Variants in NCOA7 observed in about 807,000 individuals in gnomAD.
NCOA7 encodes nuclear receptor coactivator 7, also known as 140 kDa estrogen receptor-associated protein.
NCOA7 carries 45 observed loss-of-function variants against 104.3 expected under a neutral mutation model. The ratio of observed to expected loss-of-function variants is 0.43; its 90% CI spans 0.34 to 0.55. The LOEUF (loss-of-function observed/expected upper bound fraction) is 0.55. Among genes scored for constraint, NCOA7 ranks in the 20% least tolerant of loss-of-function variants. The probability of loss-of-function intolerance (pLI) is 0.02; values close to 1 mark genes in which losing one functional copy is unlikely to be tolerated. For synonymous variants in NCOA7, 398 were observed against 402.3 expected, an observed-to-expected ratio of 0.99 and a Z score of 0.13; for missense variants, 1,041 against 1,119.7, an observed-to-expected ratio of 0.93 and a Z score of 1.00.
At chr6:125,919,409 C>G in intron 11 of NCOA7, 2 of 1,612,716 alleles carry the variant, frequency 1.2e-6, no homozygotes, top group Non-Finnish European at 1.7e-6. Flanking sequence ...TGTGCCAGAC[C>G]TGACGAAGAG....
rs57168444 is a variant in NCOA7, at chr6:125,840,868, G to GTTTTTTTTT, written c.51-14118_51-14110dup. ...TTTTATGGTTTTTTTTGTTTGGTTGGTTTTTTTTTTTTTTTTTTTTTTTTT... is the reference window on the plus strand; with the variant it reads ...TTTTATGGTTTTTTTTGTTTGGTTGGTTTTTTTTTTTTTTTTTTTTTTTTTTTTTTTTTT... On this transcript the variant is annotated intron_variant, in intron 2 of 15. Coordinates refer to ENST00000392477, the MANE Select transcript of NCOA7 (RefSeq NM_181782.5). 1.3e-3 allele frequency among the ~76,000 whole-genome samples: 53 copies of GTTTTTTTTT among 40,372 alleles called. 5 individuals carry two copies. Among genetic ancestry groups the GTTTTTTTTT allele is most frequent in the East Asian group, 2.2e-3 (3 of 1,358 alleles). The allele number at this position is 40,372 out of a possible 152,430, so 26.5% of individuals were successfully genotyped here. A position where few individuals can be genotyped will look rare whatever the true frequency, so the allele number is the denominator to read the frequency against.
intron 2 of NCOA7, among the ~76,000 whole-genome samples, chr6:125,831,766 T>A (rs1779202195): frequency 6.6e-6 from 1 of 152,232 alleles, no homozygotes; most frequent in South Asian, 2.1e-4. Flanking sequence ...AACATCCCTA[T>A]AATTTTCTCG....
intron 1 of NCOA7, among the ~76,000 whole-genome samples, chr6:125,785,926 C>A (rs563171942): frequency 6.6e-6 from 1 of 152,278 alleles, no homozygotes; most frequent in African/African-American, 2.4e-5. Context: ...GCCACAAAGA[C>A]GCCACAAAAA....
chr6:125,808,545 G>T (rs1351636359), intron 1 of NCOA7, among the ~76,000 whole-genome samples: 1 of 152,080 alleles, frequency 6.6e-6, no homozygotes, highest in Non-Finnish European at 1.5e-5. Flanking sequence ...GGCTTTGTGG[G>T]ATCATTCTAG....
chr6:125,924,902 C>T (rs1787898311), intron 13 of NCOA7, among the ~76,000 whole-genome samples: 1 of 152,138 alleles, frequency 6.6e-6, no homozygotes. Flanking sequence ...TCTTATCTCC[C>T]ACCCAAGATC....
chr6:125,868,769 T>G (rs1782637365), intron 3 of NCOA7, among the ~76,000 whole-genome samples: 1 of 152,210 alleles, frequency 6.6e-6, no homozygotes, highest in Non-Finnish European at 1.5e-5. Context: ...ACAGACAATT[T>G]TTGCCTCTTT....
At chr6:125,842,833 G>C (rs1007491992) in intron 2 of NCOA7, among the ~76,000 whole-genome samples, 4 of 152,126 alleles carry the variant, frequency 2.6e-5, no homozygotes, top group African/African-American at 9.7e-5. Context: ...TTTCAGGGTA[G>C]TCTTGAATAA....
chr6:125,829,016 A>G (rs1778906577), intron 2 of NCOA7, among the ~76,000 whole-genome samples: 1 of 152,218 alleles, frequency 6.6e-6, no homozygotes, highest in South Asian at 2.1e-4. Context: ...CCCTTTAAAT[A>G]GAATGTAAAA....
chr6:125,928,875 C>G lies in NCOA7; in HGVS notation c.*104C>G. The G allele has an allele frequency of 8.2e-7, 1 of 1,223,694 alleles. No individual in the cohort carries two copies. Among genetic ancestry groups the G allele is most frequent in the South Asian group, 1.6e-5 (1 of 63,618 alleles). The allele number at this position is 1,223,694 out of a possible 1,614,324, so 75.8% of individuals were successfully genotyped here. On this transcript the variant is annotated 3_prime_UTR_variant, in exon 16 of 16. Coordinates refer to ENST00000392477, the MANE Select transcript of NCOA7 (RefSeq NM_181782.5). The stretch of plus-strand genomic sequence containing the variant: ...CCCAGCCCAGCCTGCCTCATCCCAC[C>G]CCAATGCTTCCTTTCTGCCATCATC...
At chr6:125,928,594 T>C (rs781554511) in intron 15 of NCOA7, 42 bp from the exon 16 acceptor site, 10 of 1,577,432 alleles carry the variant, frequency 6.3e-6, no homozygotes, top group South Asian at 2.4e-5. Flanking sequence ...TCATGTAACA[T>C]AGAAGTGTTT....
chr6:125,810,898 C>G (rs1202307234), intron 1 of NCOA7, among the ~76,000 whole-genome samples: 1 of 152,190 alleles, frequency 6.6e-6, no homozygotes, highest in Non-Finnish European at 1.5e-5. Flanking sequence ...TAATCAGACA[C>G]AGCAGCACCA....
At chr6:125,874,177 T>C (rs1258373421) in intron 3 of NCOA7, among the ~76,000 whole-genome samples, 1 of 152,074 alleles carries the variant, frequency 6.6e-6, no homozygotes, top group African/African-American at 2.4e-5. Flanking sequence ...ATACAAAAAT[T>C]AGCCGGACAT....
At chr6:125,842,284 A>G (rs982726953) in intron 2 of NCOA7, among the ~76,000 whole-genome samples, 1 of 152,216 alleles carries the variant, frequency 6.6e-6, no homozygotes, top group African/African-American at 2.4e-5. Flanking sequence ...TTAAAATTGG[A>G]TGACAGAGTC....
At position 125,815,298 on chromosome 6, in the gene NCOA7, A is replaced by T; in HGVS notation, c.-57A>T. The T allele has an allele frequency of 7.5e-7, 1 of 1,338,078 alleles. No homozygotes were observed. Among genetic ancestry groups the T allele is most frequent in the Non-Finnish European group, 1.1e-6 (1 of 947,822 alleles). 82.9% of individuals were successfully genotyped at this position (1,338,078 alleles called of 1,614,324 possible). A position where few individuals can be genotyped will look rare whatever the true frequency, so the allele number is the denominator to read the frequency against. On this transcript the variant is annotated 5_prime_UTR_variant, in exon 2 of 16. Transcript: ENST00000392477. The stretch of plus-strand genomic sequence containing the variant: ...TGTTATCTTTTCTTACAGGGTTACG[A>T]CTCACTGATTAAAAAGAGGGACTTT...
intron 10 of NCOA7, among the ~76,000 whole-genome samples, chr6:125,910,563 G>A (rs563546535): frequency 7.9e-5 from 12 of 152,208 alleles, no homozygotes; most frequent in East Asian, 1.9e-4. Flanking sequence ...AATTCTACAC[G>A]GCAAAAATAG....
At chr6:125,803,877 G>A (rs1490638596) in intron 1 of NCOA7, among the ~76,000 whole-genome samples, 1 of 152,022 alleles carries the variant, frequency 6.6e-6, no homozygotes, top group Non-Finnish European at 1.5e-5. Context: ...TCTTAATTCA[G>A]ATCCACAAAG....
chr6:125,788,692 C>A (rs1355237559), upstream of NCOA7, among the ~76,000 whole-genome samples: 2 of 104,938 alleles, frequency 1.9e-5, no homozygotes, highest in East Asian at 4.1e-4. Context: ...CCACCACACC[C>A]AGCTAATTTT....
At chr6:125,786,665 C>T (rs143582621), upstream of NCOA7, among the ~76,000 whole-genome samples, 1 of 151,364 alleles carries the variant, frequency 6.6e-6, no homozygotes, top group Admixed American at 6.6e-5. Context: ...CAACCTCTCC[C>T]TCTCGGGTTC....
intron 10 of NCOA7, among the ~76,000 whole-genome samples, chr6:125,893,893 A>C (rs1439415112): frequency 6.6e-6 from 1 of 152,176 alleles, no homozygotes; most frequent in East Asian, 1.9e-4. Flanking sequence ...CTGAGAATTA[A>C]ATACTCGTCA....
Sources: gnomAD v4.1 joint callset for allele counts (sites outside exome capture counted in the v4.1 genomes callset) on GRCh38, gnomAD v4.1.1 for gene constraint, MANE v1.5 for transcripts, NCBI Gene and HGNC (gene_info 2026-07-23, HGNC 2026-07-21) for gene names.